Variants in TTC7A observed in about 807,000 individuals in gnomAD.
The protein encoded by TTC7A is tetratricopeptide repeat domain 7A, also known as tetratricopeptide repeat protein 7A.
A neutral mutation model predicts 103.7 loss-of-function variants in TTC7A; 110 were observed. The ratio of observed to expected loss-of-function variants is 1.06; its 90% CI spans 0.91 to 1.24. The LOEUF is 1.24. TTC7A is among the 50% of genes most tolerant of loss of function. The pLI, the probability that TTC7A is intolerant of heterozygous loss-of-function variation, is 0.00. For synonymous variants in TTC7A, 521 were observed against 467.9 expected, an observed-to-expected ratio of 1.11 and a Z score of -1.47; for missense variants, 1,340 against 1,116.3, an observed-to-expected ratio of 1.20 and a Z score of -2.86.
intron 5 of TTC7A, among the ~76,000 whole-genome samples, chr2:46,988,589 C>T (rs907714581): frequency 3.9e-5 from 6 of 152,222 alleles, no homozygotes; most frequent in African/African-American, 1.4e-4. Context: ...AGCTCAAACC[C>T]AGTCTTCCCC....
chr2:47,041,246 A>C (rs565620721), intron 15 of TTC7A, among the ~76,000 whole-genome samples: 1 of 152,206 alleles, frequency 6.6e-6, no homozygotes, highest in African/African-American at 2.4e-5. Flanking sequence ...CCCACACTGC[A>C]GCTATGGGGA....
At chr2:47,021,655 A>G (rs1572934426) in intron 11 of TTC7A, among the ~76,000 whole-genome samples, 2 of 152,218 alleles carry the variant, frequency 1.3e-5, no homozygotes, top group South Asian at 4.1e-4. Flanking sequence ...AGCTGGCCCA[A>G]ACTGGCCCGG....
chr2:47,056,835 C>CGCGT, intron 18 of TTC7A, among the ~76,000 whole-genome samples: 1 of 152,264 alleles, frequency 6.6e-6, no homozygotes, highest in African/African-American at 2.4e-5. Context: ...AAGGGGAAGA[C>CGCGT]AGCATGAAGG....
chr2:46,949,524 C>G (rs753668843), intron 1 of TTC7A, among the ~76,000 whole-genome samples: 1 of 152,108 alleles, frequency 6.6e-6, no homozygotes, highest in Non-Finnish European at 1.5e-5. Context: ...TGAGCCACTG[C>G]GCTCACTAAA....
chr2:47,002,658 A>T (rs558043740), intron 8 of TTC7A, among the ~76,000 whole-genome samples: 85 of 152,090 alleles, frequency 5.6e-4, no homozygotes, highest in Non-Finnish European at 7.8e-4. Context: ...CTCAGAGGCT[A>T]GCCCTGGCCC....
intron 3 of TTC7A, among the ~76,000 whole-genome samples, chr2:46,972,545 C>G (rs964040901): frequency 6.6e-6 from 1 of 152,198 alleles, no homozygotes; most frequent in South Asian, 2.1e-4. Flanking sequence ...AGCGACAATT[C>G]TAAGACTGGT....
At chr2:47,009,893 T>G (rs1006826771) in intron 10 of TTC7A, among the ~76,000 whole-genome samples, 1 of 145,544 alleles carries the variant, frequency 6.9e-6, no homozygotes, top group Non-Finnish European at 1.5e-5. Context: ...TGTGTTTTTT[T>G]TTTTTTTTTT....
At position 46,966,752 on chromosome 2, in the gene TTC7A, A is replaced by G. The variant is rs984083095; in HGVS notation, c.518-8221A>G. ...AGCAATCCTCCCACCTTACCCTCCC[A>G]AAGTGCTGGGATTACAGGTGTGAGT... On this transcript the variant is annotated intron_variant, in intron 3 of 19. Coordinates refer to ENST00000319190, the MANE Select transcript of TTC7A (RefSeq NM_020458.4). Among the ~76,000 whole-genome samples the G allele has an allele frequency of 8.4e-4, 126 of 149,510 alleles. 1 individual carries two copies. The highest frequency in any genetic ancestry group is 2.5e-4 in the Non-Finnish European group (17 of 67,612).
intron 18 of TTC7A, among the ~76,000 whole-genome samples, chr2:47,060,539 T>C (rs1023816271): frequency 4.6e-5 from 7 of 152,204 alleles, no homozygotes; most frequent in Non-Finnish European, 1.0e-4. Flanking sequence ...GGGACGATCT[T>C]GGTGCCATTG....
At chr2:47,052,369 C>T (rs1682935814) in intron 18 of TTC7A, among the ~76,000 whole-genome samples, 1 of 152,204 alleles carries the variant, frequency 6.6e-6, no homozygotes, top group Non-Finnish European at 1.5e-5. Context: ...CTGTAGGAAG[C>T]CTGGCTCCAG....
chr2:46,927,075 A>G (rs1234888382), intron 2 of TTC7A, among the ~76,000 whole-genome samples: 2 of 152,214 alleles, frequency 1.3e-5, no homozygotes, highest in Non-Finnish European at 2.9e-5. Context: ...AGAGACAAAA[A>G]GATAGAAAAT....
At chr2:47,042,194 A>G (rs1437976927) in intron 15 of TTC7A, among the ~76,000 whole-genome samples, 3 of 152,152 alleles carry the variant, frequency 2.0e-5, no homozygotes, top group Non-Finnish European at 4.4e-5. Context: ...ACTAATGTAG[A>G]TTTCCCTGAG....
At chr2:46,996,931 C>A (rs1676251202) in intron 8 of TTC7A, among the ~76,000 whole-genome samples, 1 of 152,136 alleles carries the variant, frequency 6.6e-6, no homozygotes, top group Admixed American at 6.6e-5. Context: ...GCCCTGGAAT[C>A]ATCTGTCTGG....
Position 47,024,328 on chromosome 2 carries a change from A to G in TTC7A, c.1610A>G (p.Tyr537Cys), listed in dbSNP as rs772056823. ...LAPSDPQVIL[Y>C]VSLQLALVRQ... Reference sequence around the variant, plus strand: ...CCCAGTGACCCCCAGGTCATCCTCTATGTCTCGCTGCAGCTGGCCCTCGTC... The same window carrying G: ...CCCAGTGACCCCCAGGTCATCCTCTGTGTCTCGCTGCAGCTGGCCCTCGTC... Residue 537 changes from tyrosine (Y) to cysteine (C), a missense_variant, in exon 14 of 20, where the codon TAT becomes TGT. Coordinates refer to ENST00000319190, the MANE Select transcript of TTC7A (RefSeq NM_020458.4). 8 of 1,608,214 alleles carry G rather than the reference A, an allele frequency of 5.0e-6. No homozygotes were observed. The African/African-American group carries it at 5.4e-5, about 11-fold the overall frequency.
At chr2:46,927,121 T>A (rs1669424971) in intron 2 of TTC7A, among the ~76,000 whole-genome samples, 1 of 151,960 alleles carries the variant, frequency 6.6e-6, no homozygotes, top group Non-Finnish European at 1.5e-5. Flanking sequence ...TTCAGTGAGG[T>A]CTTACTTGTA....
intron 15 of TTC7A, among the ~76,000 whole-genome samples, chr2:47,043,010 C>T (rs1318757416): frequency 2.6e-5 from 4 of 152,176 alleles, no homozygotes; most frequent in African/African-American, 7.2e-5. Context: ...AGCTTCGATT[C>T]CCCCTGGCTG....
chr2:46,958,391 C>A, intron 3 of TTC7A: 2 of 848,506 alleles, frequency 2.4e-6, no homozygotes, highest in Non-Finnish European at 3.5e-6. Context: ...CAGCCATGGA[C>A]GCCCTGAGCG....
At chr2:47,008,672 G>C (rs1415508280) in intron 10 of TTC7A, among the ~76,000 whole-genome samples, 1 of 152,224 alleles carries the variant, frequency 6.6e-6, no homozygotes, top group Non-Finnish European at 1.5e-5. Context: ...CAGTCTGCCT[G>C]ATTGTCCCAG....
At chr2:47,032,745 G>A (rs1680691427) in intron 15 of TTC7A, among the ~76,000 whole-genome samples, 1 of 151,284 alleles carries the variant, frequency 6.6e-6, no homozygotes, top group Non-Finnish European at 1.5e-5. Context: ...AGGATCCCGA[G>A]GAGCTCTGTT....
Sources: allele counts gnomAD v4.1 joint callset (sites outside exome capture counted in the v4.1 genomes callset), GRCh38; gene constraint gnomAD v4.1.1; transcripts MANE v1.5; gene names NCBI Gene and HGNC (gene_info 2026-07-23, HGNC 2026-07-21).